NLGN4X: variants seen among roughly 807,000 people sequenced by gnomAD.
NLGN4X encodes neuroligin-4, X-linked.
NLGN4X carries 3 observed loss-of-function variants against 40.3 expected under a neutral mutation model. The ratio of observed to expected loss-of-function variants is 0.07; its 90% confidence interval spans 0.03 to 0.19. The LOEUF (loss-of-function observed/expected upper bound fraction) is 0.19, where lower values mean the gene tolerates loss of function less well. NLGN4X is among the 10% of genes least tolerant of loss of function. NLGN4X has a pLI of 1.00. For synonymous variants in NLGN4X, 270 were observed against 306.8 expected, an observed-to-expected ratio of 0.88 and a Z score of 1.25; for missense variants, 382 against 708.3, an observed-to-expected ratio of 0.54 and a Z score of 5.23.
chrX:6,095,342 C>T (rs764114731), intron 2 of NLGN4X, among the ~76,000 whole-genome samples: 1 of 111,384 alleles, frequency 9.0e-6, no homozygotes, highest in African/African-American at 3.3e-5. Flanking sequence ...AACAACAATG[C>T]CTCAAGCTGT....
chrX:5,934,090 C>T (rs775192813), intron 3 of NLGN4X, among the ~76,000 whole-genome samples: 50 of 111,661 alleles, frequency 4.5e-4, no homozygotes, highest in African/African-American at 1.6e-3. Context: ...TGAGTCTACT[C>T]TCTGTTTCTC....
intron 3 of NLGN4X, among the ~76,000 whole-genome samples, chrX:6,028,982 A>G (rs1055652756): frequency 4.4e-5 from 5 of 112,697 alleles, no homozygotes; most frequent in Admixed American, 3.7e-4. Flanking sequence ...TTCATTGTAC[A>G]GGTCTATGTA....
intron 3 of NLGN4X, among the ~76,000 whole-genome samples, chrX:5,976,185 C>G (rs1291094381): frequency 8.9e-6 from 1 of 112,395 alleles, no homozygotes; most frequent in Admixed American, 9.4e-5. Flanking sequence ...ATATTTTCAA[C>G]AAACACACAT....
At chrX:6,227,296 G>T (rs1326268194) in intron 1 of NLGN4X, 1 of 109,443 alleles carries the variant, frequency 9.1e-6, no homozygotes, top group Admixed American at 9.5e-5. Context: ...TCCCCACCTC[G>T]GGGACTGGCG....
chrX:6,141,677 G>A (rs1460849966), intron 2 of NLGN4X, among the ~76,000 whole-genome samples: 4 of 109,914 alleles, frequency 3.6e-5, no homozygotes, highest in Non-Finnish European at 5.7e-5. Context: ...AAATTACCTG[G>A]GTGTGGTGGT....
intron 2 of NLGN4X, among the ~76,000 whole-genome samples, chrX:6,070,005 T>C (rs1237983926): frequency 8.9e-6 from 1 of 111,914 alleles, no homozygotes; most frequent in Non-Finnish European, 1.9e-5. Flanking sequence ...GTCAAGCTCA[T>C]TGGAGTTTAA....
At chrX:6,199,886 A>G (rs775993602) in intron 1 of NLGN4X, among the ~76,000 whole-genome samples, 2 of 112,028 alleles carry the variant, frequency 1.8e-5, no homozygotes, top group Non-Finnish European at 3.8e-5. Context: ...AGAAATACCA[A>G]AGCAAACAAT....
At chrX:6,051,849 G>C (rs150516859) in intron 2 of NLGN4X, among the ~76,000 whole-genome samples, 4 of 111,285 alleles carry the variant, frequency 3.6e-5, no homozygotes, top group African/African-American at 9.8e-5. Context: ...GGACCTATGA[G>C]GTTGATAGAA....
At chrX:6,074,444 T>C (rs2038143983) in intron 2 of NLGN4X, among the ~76,000 whole-genome samples, 1 of 111,486 alleles carries the variant, frequency 9.0e-6, no homozygotes, top group African/African-American at 3.3e-5. Context: ...TATTTACAAA[T>C]AGGGGATCGT....
intron 1 of NLGN4X, among the ~76,000 whole-genome samples, chrX:6,197,547 C>T (rs1341021861): frequency 5.5e-5 from 6 of 108,523 alleles, no homozygotes; most frequent in African/African-American, 1.7e-4. Flanking sequence ...GCTGGGATTA[C>T]AGGCATGAGC....
intron 3 of NLGN4X, among the ~76,000 whole-genome samples, chrX:6,023,890 C>G (rs1200045835): frequency 9.0e-6 from 1 of 111,354 alleles, no homozygotes; most frequent in African/African-American, 3.3e-5. Context: ...TTGGAGACAA[C>G]TGGAAAGGGG....
intron 3 of NLGN4X, among the ~76,000 whole-genome samples, chrX:5,932,875 C>T (rs2033600262): frequency 1.8e-5 from 2 of 110,706 alleles, no homozygotes; most frequent in Non-Finnish European, 3.8e-5. Context: ...GAACAAAAAC[C>T]TTATTTTGAA....
intron 5 of NLGN4X, among the ~76,000 whole-genome samples, chrX:5,902,644 G>C (rs1056792118): frequency 8.9e-6 from 1 of 112,288 alleles, no homozygotes. Flanking sequence ...GTGAGCTACT[G>C]TTGCACCACT....
rs1454659893 is a variant in NLGN4X at position 6,114,395 on chromosome X, T to A, written c.472+36600A>T. Among the ~76,000 whole-genome samples, 7 of 111,098 alleles carry A rather than the reference T, an allele frequency of 6.3e-5. No individual in the cohort carries two copies. The East Asian group carries it at 2.0e-3, about 31-fold the overall frequency. ...TCATACTTCTTGTGAGATTGCCTTT[T>A]AAGCCACATCCTACCATTTTCCCTG... On this transcript the variant is annotated intron_variant, in intron 2 of 5. Transcript: ENST00000381095.
chrX:5,946,558 A>C (rs1476834054), intron 3 of NLGN4X, among the ~76,000 whole-genome samples: 1 of 111,562 alleles, frequency 9.0e-6, no homozygotes, highest in Non-Finnish European at 1.9e-5. Context: ...GAGGGGGCTA[A>C]GACACACACA....
chrX:6,027,929 G>A (rs2036751831), intron 3 of NLGN4X, among the ~76,000 whole-genome samples: 1 of 108,902 alleles, frequency 9.2e-6, no homozygotes, highest in Admixed American at 9.8e-5. Flanking sequence ...AGATTCTCCC[G>A]CCTCAGCCTC....
chrX:6,185,243 C>A (rs1373346571), intron 1 of NLGN4X, among the ~76,000 whole-genome samples: 1 of 112,093 alleles, frequency 8.9e-6, no homozygotes, highest in Non-Finnish European at 1.9e-5. Flanking sequence ...TCACATGGAT[C>A]ATGTTACCTT....
At chrX:6,070,521 ACTGCTCAAGGC>A (rs774672896) in intron 2 of NLGN4X, among the ~76,000 whole-genome samples, 3 of 111,985 alleles carry the variant, frequency 2.7e-5, no homozygotes, top group African/African-American at 9.7e-5. Flanking sequence ...AGGTGGAAAG[ACTGCTCAAGGC>A]CAAAAGTTTG....
intron 1 of NLGN4X, among the ~76,000 whole-genome samples, chrX:6,215,505 C>T (rs1280265884): frequency 9.4e-6 from 1 of 106,939 alleles, no homozygotes; most frequent in African/African-American, 3.5e-5. Flanking sequence ...GCCGAGACTG[C>T]GCCATTGCAC....
Sources: allele counts gnomAD v4.1 joint callset (sites outside exome capture counted in the v4.1 genomes callset), GRCh38; gene constraint gnomAD v4.1.1; transcripts MANE v1.5; gene names NCBI Gene and HGNC (gene_info 2026-07-23, HGNC 2026-07-21).